The following OTUB2 variants were observed in gnomAD, a reference collection of about 807,000 sequenced individuals.
OTUB2 encodes ubiquitin thioesterase OTUB2.
OTUB2 carries 21 observed loss-of-function variants against 25.1 expected under a neutral mutation model. The observed-to-expected ratio is 0.84, with a 90% CI of 0.59 to 1.21. The LOEUF is 1.21. Among genes scored for constraint, OTUB2 ranks in the 50% most tolerant of loss-of-function variants. The probability of loss-of-function intolerance (pLI) is 0.00; values close to 1 mark genes in which losing one functional copy is unlikely to be tolerated. For synonymous variants in OTUB2, 122 were observed against 122.8 expected (o/e 0.99, Z 0.04); for missense variants, 283 against 298.0 (o/e 0.95, Z 0.37).
At chr14:94,039,192 CT>C in intron 3 of OTUB2, 111 bp downstream of exon 3, 1 of 844,806 alleles carries the variant, frequency 1.2e-6, no homozygotes, top group South Asian at 1.6e-5. Context: ...AGAGAATGAG[CT>C]GAAGAGCTGC....
chr14:94,038,762 C>T (rs992110758), intron 2 of OTUB2, among the ~76,000 whole-genome samples: 24 of 152,196 alleles, frequency 1.6e-4, no homozygotes, highest in Admixed American at 2.6e-4. Context: ...TGCCTGGGGG[C>T]AGGGACGGAC....
chr14:94,037,209 C>A (rs745962159), intron 1 of OTUB2, among the ~76,000 whole-genome samples, 171 bp from the exon 2 acceptor site: 6 of 152,126 alleles, frequency 3.9e-5, no homozygotes, highest in Non-Finnish European at 7.4e-5. Context: ...TCTGGAAATG[C>A]GGTGATCCCA....
chr14:94,045,211 G>A (rs994226943), intron 5 of OTUB2, among the ~76,000 whole-genome samples: 3 of 152,140 alleles, frequency 2.0e-5, no homozygotes, highest in Non-Finnish European at 4.4e-5. Context: ...GTCTCAGCAG[G>A]CACTAAGCAG....
Position 94,044,004 on chromosome 14 carries a change from CCTT to C in OTUB2, c.255_257del (p.Leu86del), listed in dbSNP as rs1434073932. ...AACGCGTACTGCAGACCCCAAATGACCTTCTGGCTGCTGGCTTTGAGGAGCACA... is the reference window on the plus strand; with the variant it reads ...AACGCGTACTGCAGACCCCAAATGACCTGGCTGCTGGCTTTGAGGAGCACA... On this transcript the variant is annotated inframe_deletion, in exon 4 of 6. Transcript: ENST00000203664. The C allele has an allele frequency of 6.2e-7, 1 of 1,614,140 alleles. No homozygotes were observed. Among genetic ancestry groups the C allele is most frequent in the African/African-American group, 1.3e-5 (1 of 74,952 alleles).
intron 1 of OTUB2, among the ~76,000 whole-genome samples, chr14:94,029,183 C>T (rs565151546): frequency 2.0e-5 from 3 of 152,280 alleles, no homozygotes; most frequent in East Asian, 3.9e-4. Flanking sequence ...CTTGGACGAC[C>T]TCTCTGACGA....
chr14:94,038,248 G>A (rs1010552738), intron 2 of OTUB2, among the ~76,000 whole-genome samples: 1 of 152,194 alleles, frequency 6.6e-6, no homozygotes, highest in African/African-American at 2.4e-5. Context: ...GCCGCTGCGG[G>A]GCACTTCCAG....
chr14:94,038,519 T>C (rs1186160788), intron 2 of OTUB2, among the ~76,000 whole-genome samples: 1 of 152,198 alleles, frequency 6.6e-6, no homozygotes, highest in Admixed American at 6.5e-5. Context: ...GAGGGACACC[T>C]ACTTACTGCT....
At position 94,044,003 on chromosome 14, in the gene OTUB2, A is replaced by T; in HGVS notation, c.251A>T (p.Asp84Val). The T allele has an allele frequency of 6.2e-7, 1 of 1,614,156 alleles. No individual in the cohort carries two copies. Among genetic ancestry groups the T allele is most frequent in the African/African-American group, 1.3e-5 (1 of 75,048 alleles). The change falls in exon 4 of 6, where the codon GAC (aspartate) becomes GTC (valine). Residue 84 changes from aspartate to valine, a missense_variant. Coordinates refer to ENST00000203664, the MANE Select transcript of OTUB2 (RefSeq NM_023112.4). ...FKERVLQTPN[D>V]LLAAGFEEHK... ...GAACGCGTACTGCAGACCCCAAATG[A>T]CCTTCTGGCTGCTGGCTTTGAGGAG...
At chr14:94,044,892 C>A in intron 5 of OTUB2, 112 bp downstream of exon 5, 1 of 1,128,332 alleles carries the variant, frequency 8.9e-7, no homozygotes, top group Non-Finnish European at 1.2e-6. Flanking sequence ...ACTGCCCTTG[C>A]AATTCAAACA....
intron 3 of OTUB2, among the ~76,000 whole-genome samples, chr14:94,041,383 G>GCTTAT (rs145212893): frequency 0.017 from 2,528 of 152,226 alleles, 70 homozygotes; most frequent in African/African-American, 0.058. Flanking sequence ...GCAGGCCGGG[G>GCTTAT]CACACAGGTG....
Position 94,037,404 on chromosome 14 carries a change from T to A in OTUB2, c.28T>A (p.Ser10Thr), listed in dbSNP as rs776985270. MSETSFNLISEKCDILSILR... is the reference protein window; with the variant it reads MSETSFNLITEKCDILSILR... ...GAGTGAAACATCTTTCAACCTAATA[T>A]CAGAAAAATGTGACATTCTATCCAT... Residue 10 changes from serine (S) to threonine (T), a missense_variant, in exon 2 of 6, where the codon TCA (serine) becomes ACA (threonine). By Grantham distance (58) the Ser-to-Thr change is moderately conservative. Coordinates refer to ENST00000203664, the MANE Select transcript of OTUB2 (RefSeq NM_023112.4). 1 of 1,597,762 alleles carries A rather than the reference T, an allele frequency of 6.3e-7. No individual in the cohort carries two copies. The highest frequency in any genetic ancestry group is 1.1e-5 in the South Asian group (1 of 90,500).
chr14:94,037,642 T>C (rs1465724185), intron 2 of OTUB2, among the ~76,000 whole-genome samples, 167 bp downstream of exon 2: 1 of 148,244 alleles, frequency 6.7e-6, no homozygotes, highest in Non-Finnish European at 1.5e-5. Flanking sequence ...GATAAATCCT[T>C]TCATTCCAAA....
In OTUB2 at chr14:94,026,466, C is replaced by T. The variant is rs1884860582; in HGVS notation, c.-72C>T. On this transcript the variant is annotated 5_prime_UTR_variant, in exon 1 of 6. Coordinates refer to ENST00000203664, the MANE Select transcript of OTUB2 (RefSeq NM_023112.4). The stretch of plus-strand genomic sequence containing the variant: ...CCGAACCAGCGGCGGAGCCCGCCCG[C>T]GCCTCCCGCGGCATTCCCGCACCGG... The T allele has an allele frequency of 2.3e-6, 3 of 1,323,246 alleles. No individual in the cohort carries two copies. The highest frequency in any genetic ancestry group is 3.7e-5 in the Admixed American group (1 of 27,138). 82.0% of individuals were successfully genotyped at this position (1,323,246 alleles called of 1,614,324 possible).
At chr14:94,026,893 T>A (rs1281586498) in intron 1 of OTUB2, among the ~76,000 whole-genome samples, 1 of 152,154 alleles carries the variant, frequency 6.6e-6, no homozygotes, top group African/African-American at 2.4e-5. Flanking sequence ...TCGCCTCCTC[T>A]TTGTTAAGTA....
At chr14:94,027,690 T>C (rs1480561340) in intron 1 of OTUB2, among the ~76,000 whole-genome samples, 5 of 152,202 alleles carry the variant, frequency 3.3e-5, no homozygotes, top group Admixed American at 2.6e-4. Context: ...CACGGCAGCA[T>C]GCTGCCGGGC....
At chr14:94,038,830 A>G in intron 2 of OTUB2, 133 bp from the exon 3 acceptor site, 1 of 813,436 alleles carries the variant, frequency 1.2e-6, no homozygotes, top group Non-Finnish European at 2.2e-6. Flanking sequence ...TGGGAGGCTG[A>G]GGGGATAGCA....
rs546820536 is a variant in OTUB2, at chr14:94,034,012, A to G, written c.4-3368A>G. On this transcript the variant is annotated intron_variant, in intron 1 of 5. Coordinates refer to ENST00000203664, the MANE Select transcript of OTUB2 (RefSeq NM_023112.4). ...GTTTAAGTTAAAAGAAAAAACACAA[A>G]TGAAAATGGAATGATTTTAAGCTGT... Among the ~76,000 whole-genome samples the G allele has an allele frequency of 3.9e-5, 6 of 152,362 alleles. No homozygotes were observed. In the South Asian group the frequency reaches 1.2e-3, roughly 32 times the overall value.
At chr14:94,033,496 T>C (rs1884997009) in intron 1 of OTUB2, among the ~76,000 whole-genome samples, 1 of 152,218 alleles carries the variant, frequency 6.6e-6, no homozygotes, top group Admixed American at 6.5e-5. Context: ...TGTAGCTGAT[T>C]TTGTGTCCTC....
At chr14:94,037,646 T>C (rs1432384996) in intron 2 of OTUB2, among the ~76,000 whole-genome samples, 171 bp downstream of exon 2, 1 of 138,934 alleles carries the variant, frequency 7.2e-6, no homozygotes, top group Non-Finnish European at 1.6e-5. Flanking sequence ...AATCCTTTCA[T>C]TCCAAAAAAA....
Sources: allele counts gnomAD v4.1 joint callset (sites outside exome capture counted in the v4.1 genomes callset), GRCh38; gene constraint gnomAD v4.1.1; transcripts MANE v1.5; gene names NCBI Gene and HGNC (gene_info 2026-07-23, HGNC 2026-07-21).